The following PCDHGA5 variants were observed in gnomAD, a reference collection of about 807,000 sequenced individuals.
PCDHGA5 encodes the protein protocadherin gamma subfamily A, 5, also known as protocadherin gamma-A5.
In PCDHGA5, 36 loss-of-function variants were observed where a neutral mutation model predicts 56.7. That is an observed-to-expected ratio of 0.64 (90% CI 0.49 to 0.84). The LOEUF is 0.84. PCDHGA5 is among the 40% of genes least tolerant of loss of function. The probability of loss-of-function intolerance (pLI) is 0.00; values close to 1 mark genes in which losing one functional copy is unlikely to be tolerated. For missense variants in PCDHGA5, 1,305 were observed against 1,201.5 expected (o/e 1.09, Z -1.27); for synonymous variants, 563 against 520.2 (o/e 1.08, Z -1.12).
At chr5:141,425,363 A>C (rs2096870488) in intron 1 of PCDHGA5, among the ~76,000 whole-genome samples, 1 of 152,212 alleles carries the variant, frequency 6.6e-6, no homozygotes, top group Non-Finnish European at 1.5e-5. Context: ...TGATATTAAG[A>C]GGGTTATGTT....
At chr5:141,457,550 A>G (rs1331411755) in intron 1 of PCDHGA5, among the ~76,000 whole-genome samples, 1 of 152,230 alleles carries the variant, frequency 6.6e-6, no homozygotes, top group Non-Finnish European at 1.5e-5. Flanking sequence ...CAAATGTATG[A>G]TAAGCTTTGG....
At chr5:141,481,077 G>A (rs1251064585) in intron 1 of PCDHGA5, among the ~76,000 whole-genome samples, 5 of 151,906 alleles carry the variant, frequency 3.3e-5, no homozygotes, top group Non-Finnish European at 7.4e-5. Context: ...AAGAAAGAAA[G>A]AAAAAAGAAA....
intron 1 of PCDHGA5, chr5:141,394,355 G>A: frequency 6.2e-7 from 1 of 1,614,182 alleles, no homozygotes; most frequent in Non-Finnish European, 8.5e-7. Context: ...CCGGTGTCCT[G>A]TATGCGCTGC....
At position 141,489,754 on chromosome 5, in the gene PCDHGA5, C is replaced by G; in HGVS notation, c.2422-5053C>G. 1 of 1,614,110 alleles carries G rather than the reference C, an allele frequency of 6.2e-7. No homozygotes were observed. The highest frequency in any genetic ancestry group is 8.5e-7 in the Non-Finnish European group (1 of 1,179,972). ...CACCAATACTGTGAGCTTTTACACT[C>G]TAAGCCCCAACAGCCACTTCTCTCT... On this transcript the variant is annotated intron_variant, in intron 1 of 3. Coordinates refer to ENST00000518069, the MANE Select transcript of PCDHGA5 (RefSeq NM_018918.3). The surrounding 1 kb of genome is among the most constrained non-coding windows in gnomAD (Gnocchi z 4.5).
intron 1 of PCDHGA5, chr5:141,383,126 C>T (rs1024955582): frequency 6.2e-7 from 1 of 1,614,062 alleles, no homozygotes; most frequent in African/African-American, 1.3e-5. Context: ...CAGCTTTTCG[C>T]CCTGAACCAG....
intron 1 of PCDHGA5, chr5:141,418,522 C>A: frequency 6.2e-7 from 1 of 1,614,000 alleles, no homozygotes; most frequent in Non-Finnish European, 8.5e-7. Flanking sequence ...GGGACCCTCC[C>A]CGAAGCGGTA....
chr5:141,365,532 A>G lies in PCDHGA5; in HGVS notation c.1202A>G (p.Tyr401Cys). 1 of 1,613,862 alleles carries G rather than the reference A, an allele frequency of 6.2e-7. No homozygotes were observed. Among genetic ancestry groups the G allele is most frequent in the Non-Finnish European group, 8.5e-7 (1 of 1,179,890 alleles). ...AAATTGGAGAAGTCAGTTGATAATT[A>G]CTATCACCTATTAACAACTAGGGAC... ...PFKLEKSVDN[Y>C]YHLLTTRDLD... Residue 401 changes from tyrosine to cysteine, a missense_variant, in exon 1 of 4, where the codon TAC becomes TGC. Tyr to Cys is a radical substitution (Grantham distance 194). Transcript: ENST00000518069.
At chr5:141,415,123 G>T (rs1349224471) in intron 1 of PCDHGA5, 3 of 1,613,540 alleles carry the variant, frequency 1.9e-6, no homozygotes. Flanking sequence ...CGTAGTGGCC[G>T]TCCAGGACCA....
At chr5:141,395,109 A>G (rs1181706209) in intron 1 of PCDHGA5, 1 of 1,614,092 alleles carries the variant, frequency 6.2e-7, no homozygotes, top group Admixed American at 1.7e-5. Context: ...CTCGCGGAAG[A>G]GTCACCTGAT....
chr5:141,409,624 G>C lies in PCDHGA5; in HGVS notation c.2421+42873G>C, dbSNP rs747166507. 11 of 1,613,728 alleles carry C rather than the reference G, an allele frequency of 6.8e-6. No homozygotes were observed. The South Asian group carries it at 8.8e-5, about 13-fold the overall frequency. On this transcript the variant is annotated intron_variant, in intron 1 of 3. Transcript: ENST00000518069. The stretch of plus-strand genomic sequence containing the variant: ...CGCCAGGAGCCTCCATTGCGCAAGT[G>C]AGCGCCTCTGACCCGGATTTGGGGC...
At chr5:141,505,308 G>A in intron 2 of PCDHGA5, 85 bp from the exon 3 acceptor site, 1 of 1,598,660 alleles carries the variant, frequency 6.3e-7, no homozygotes, top group Non-Finnish European at 8.5e-7. Flanking sequence ...TAGGGTACTA[G>A]GTTTGGGAGC....
chr5:141,399,658 T>G (rs766038311), intron 1 of PCDHGA5: 22 of 1,613,572 alleles, frequency 1.4e-5, no homozygotes, highest in South Asian at 4.4e-5. Flanking sequence ...TGGGGTGGTG[T>G]TCGCGCAGCG....
At chr5:141,382,969 T>G in intron 1 of PCDHGA5, 2 of 1,609,418 alleles carry the variant, frequency 1.2e-6, no homozygotes, top group Non-Finnish European at 8.5e-7. Context: ...GGGGACCCCC[T>G]GGGAAGCCTG....
chr5:141,384,742 G>A (rs1477575254), intron 1 of PCDHGA5: 1 of 1,613,976 alleles, frequency 6.2e-7, no homozygotes, highest in African/African-American at 1.3e-5. Flanking sequence ...CAGCGAGCCA[G>A]GACTCTTTGC....
intron 1 of PCDHGA5, chr5:141,384,886 G>T: frequency 6.2e-7 from 1 of 1,613,822 alleles, no homozygotes. Context: ...ACTCACCGTG[G>T]CTGTGGCTGA....
At position 141,476,994 on chromosome 5, in the gene PCDHGA5, A is replaced by T; in HGVS notation, c.2422-17813A>T. 6.2e-7 allele frequency: 1 copy of T among 1,614,260 alleles called. No individual in the cohort carries two copies. The highest frequency in any genetic ancestry group is 2.2e-5 in the East Asian group (1 of 44,884). On this transcript the variant is annotated intron_variant, in intron 1 of 3. Transcript: ENST00000518069. This position sits in a 1 kb window ranked among gnomAD's most constrained non-coding sequence, Gnocchi z 7.6. ...AGCCACAACCGCGCCGGCGTGCGGC[A>T]ACTATTCGCCTTAGACCTTGTAACC...
intron 1 of PCDHGA5, chr5:141,396,643 A>C (rs1271446592): frequency 6.6e-6 from 1 of 152,180 alleles, no homozygotes; most frequent in Admixed American, 6.5e-5. Context: ...ACTAATATTA[A>C]TAGTAAAAAC....
chr5:141,383,111 G>A (rs1778825572), intron 1 of PCDHGA5: 3 of 1,614,040 alleles, frequency 1.9e-6, no homozygotes, highest in Non-Finnish European at 2.5e-6. Context: ...TCCAGAGGTA[G>A]GACGCAGCTT....
intron 1 of PCDHGA5, among the ~76,000 whole-genome samples, chr5:141,469,061 G>C (rs960166489): frequency 1.3e-5 from 2 of 152,010 alleles, no homozygotes; most frequent in African/African-American, 4.8e-5. Flanking sequence ...AGGATTGCTT[G>C]AGCCTAGGAG....
Sources: allele counts gnomAD v4.1 joint callset (sites outside exome capture counted in the v4.1 genomes callset), GRCh38; gene constraint gnomAD v4.1.1; non-coding constraint Gnocchi (gnomAD v3.1); transcripts MANE v1.5; gene names NCBI Gene and HGNC (gene_info 2026-07-23, HGNC 2026-07-21).